The following TMEM9 variants were observed in gnomAD, a reference collection of about 807,000 sequenced individuals.
The protein encoded by TMEM9 is proton-transporting V-type ATPase complex assembly regulator TMEM9.
Under a neutral mutation model 22.8 loss-of-function variants are expected in TMEM9, and 13 were observed. The ratio of observed to expected loss-of-function variants is 0.57; its 90% CI spans 0.37 to 0.91. The LOEUF is 0.91. TMEM9 is among the 40% of genes least tolerant of loss of function. The pLI is 0.01. For synonymous variants in TMEM9, 88 were observed against 93.0 expected (o/e 0.95, Z 0.31); for missense variants, 182 against 238.1 (o/e 0.76, Z 1.55).
chr1:201,153,565 G>C (rs1051557636), intron 1 of TMEM9, among the ~76,000 whole-genome samples: 5 of 152,298 alleles, frequency 3.3e-5, no homozygotes, highest in Admixed American at 2.0e-4. Flanking sequence ...AGCAAAGGAA[G>C]GTATGGAGAA....
At chr1:201,167,630 G>A (rs1419172065) in intron 1 of TMEM9, among the ~76,000 whole-genome samples, 2 of 152,154 alleles carry the variant, frequency 1.3e-5, no homozygotes, top group African/African-American at 4.8e-5. Flanking sequence ...TGCTAGCCTG[G>A]TGGTCTCTCA....
rs144662228 is a variant in TMEM9, at chr1:201,137,471, A to AACACACAC, written c.400-1664_400-1657dup. On this transcript the variant is annotated intron_variant, in intron 4 of 4. Coordinates refer to ENST00000367330, the MANE Select transcript of TMEM9 (RefSeq NM_001288565.2). ...AGGAATTATAGTTACCAAATTATCT[A>AACACACAC]ACACACACACACACACACACACACA... 7.5e-5 allele frequency among the ~76,000 whole-genome samples: 11 copies of AACACACAC among 146,660 alleles called. No individual in the cohort carries two copies. In the East Asian group the frequency reaches 1.0e-3, roughly 14 times the overall value.
At chr1:201,155,800 T>C (rs541301574), upstream of TMEM9, among the ~76,000 whole-genome samples, 54 of 152,268 alleles carry the variant, frequency 3.5e-4, 1 homozygote, top group African/African-American at 1.3e-3. Context: ...GCCCATAAAA[T>C]GGGATTAATA....
intron 2 of TMEM9, among the ~76,000 whole-genome samples, chr1:201,150,925 C>A (rs1221311848): frequency 6.6e-6 from 1 of 152,174 alleles, no homozygotes; most frequent in South Asian, 2.1e-4. Context: ...GTGCTCGGGG[C>A]CCTCCAAGAA....
At chr1:201,155,617 G>T (rs953456267), upstream of TMEM9, among the ~76,000 whole-genome samples, 1 of 152,148 alleles carries the variant, frequency 6.6e-6, no homozygotes, top group African/African-American at 2.4e-5. Context: ...AGGGGGCAGG[G>T]GCAGGAGGCC....
In TMEM9 at chr1:201,144,031, T is replaced by C. The variant is rs1036750603; in HGVS notation, c.268-80A>G. On this transcript the variant is annotated intron_variant, in intron 3 of 4. Transcript: ENST00000367330. Reference sequence around the variant, plus strand: ...TCCGTTGCTAGTCTTGGGCCATCTGTGTCCGGCTGGCAGTGACTCCTCAAG... The same window carrying C: ...TCCGTTGCTAGTCTTGGGCCATCTGCGTCCGGCTGGCAGTGACTCCTCAAG... 24 of 1,533,600 alleles carry C rather than the reference T, an allele frequency of 1.6e-5. 1 individual carries two copies. Among genetic ancestry groups the C allele is most frequent in the Non-Finnish European group, 2.0e-5 (22 of 1,122,856 alleles). 95.0% of individuals were successfully genotyped at this position (1,533,600 alleles called of 1,614,324 possible). A position where few individuals can be genotyped will look rare whatever the true frequency, so the allele number is the denominator to read the frequency against.
chr1:201,159,484 T>C (rs995979252), upstream of TMEM9, among the ~76,000 whole-genome samples: 1 of 147,598 alleles, frequency 6.8e-6, no homozygotes, highest in Non-Finnish European at 1.5e-5. Context: ...TGCCTTTTTA[T>C]ACACACACAC....
intron 1 of TMEM9, among the ~76,000 whole-genome samples, chr1:201,170,641 G>T (rs1039483372): frequency 6.6e-6 from 1 of 152,202 alleles, no homozygotes. Context: ...AAGCCCTGTG[G>T]TAGACACCGA....
At chr1:201,159,651 C>T (rs958418838) in intron 1 of TMEM9, among the ~76,000 whole-genome samples, 2 of 150,634 alleles carry the variant, frequency 1.3e-5, no homozygotes, top group Non-Finnish European at 2.9e-5. Flanking sequence ...TGACCTCAAG[C>T]GATCCTTCTG....
At chr1:201,160,799 G>A (rs1303054914) in intron 1 of TMEM9, among the ~76,000 whole-genome samples, 9 of 151,862 alleles carry the variant, frequency 5.9e-5, no homozygotes, top group Admixed American at 5.9e-4. Flanking sequence ...AGCCGGGCGT[G>A]GTCGCAGGTG....
In TMEM9 at chr1:201,135,489, T is replaced by C. The variant is rs901416598; in HGVS notation, c.*174A>G. 2.5e-5 allele frequency: 16 copies of C among 631,608 alleles called. No individual in the cohort carries two copies. The highest frequency in any genetic ancestry group is 7.4e-5 in the Admixed American group (2 of 27,028). 39.1% of individuals were successfully genotyped at this position (631,608 alleles called of 1,614,324 possible). On this transcript the variant is annotated 3_prime_UTR_variant, in exon 5 of 5. Transcript: ENST00000367330. ...GATCAGAGACCACATCCCTCTTCCC[T>C]AATCAAAATAGCCAAGTACAACATT...
At chr1:201,165,567 G>A (rs975349974) in intron 1 of TMEM9, among the ~76,000 whole-genome samples, 7 of 151,868 alleles carry the variant, frequency 4.6e-5, no homozygotes, top group African/African-American at 1.7e-4. Flanking sequence ...CTCCCGAGTA[G>A]CTAGGATTAC....
intron 4 of TMEM9, among the ~76,000 whole-genome samples, chr1:201,139,597 C>G (rs1664331346): frequency 6.6e-6 from 1 of 152,192 alleles, no homozygotes; most frequent in African/African-American, 2.4e-5. Context: ...CCAGCCCAGC[C>G]TCTGGCCACA....
At chr1:201,157,838 C>A (rs926516690), upstream of TMEM9, among the ~76,000 whole-genome samples, 2 of 152,180 alleles carry the variant, frequency 1.3e-5, no homozygotes, top group Non-Finnish European at 1.5e-5. Flanking sequence ...GCTTTGAGGG[C>A]AGTGAGGGCT....
chr1:201,138,479 G>T (rs1321100575), intron 4 of TMEM9, among the ~76,000 whole-genome samples: 23 of 152,174 alleles, frequency 1.5e-4, no homozygotes. Context: ...GGGTGGAAGT[G>T]GGAGAAATGC....
chr1:201,151,231 T>C (rs2102273336), intron 2 of TMEM9, among the ~76,000 whole-genome samples: 1 of 152,328 alleles, frequency 6.6e-6, no homozygotes, highest in East Asian at 1.9e-4. Flanking sequence ...CTAGTCTCCT[T>C]TCTCTGAATG....
At chr1:201,148,335 C>CATGGGAATGAGAT (rs1665152461) in intron 2 of TMEM9, among the ~76,000 whole-genome samples, 1 of 152,180 alleles carries the variant, frequency 6.6e-6, no homozygotes, top group Non-Finnish European at 1.5e-5. Context: ...TCATTCCCAG[C>CATGGGAATGAGAT]CTTCCTCAGA....
intron 4 of TMEM9, among the ~76,000 whole-genome samples, chr1:201,141,931 GGA>G (rs1664561340): frequency 1.3e-5 from 2 of 152,146 alleles, no homozygotes. Context: ...TGCATTCCAC[GGA>G]AATCATTGGG....
upstream of TMEM9, among the ~76,000 whole-genome samples, chr1:201,156,567 T>A (rs1201472551): frequency 6.6e-6 from 1 of 152,130 alleles, no homozygotes; most frequent in Admixed American, 6.5e-5. Flanking sequence ...CTGACTTTGC[T>A]CATTGCAGTC....
Sources: allele counts gnomAD v4.1 joint callset (sites outside exome capture counted in the v4.1 genomes callset), GRCh38; gene constraint gnomAD v4.1.1; transcripts MANE v1.5; gene names NCBI Gene and HGNC (gene_info 2026-07-23, HGNC 2026-07-21).